SLC37A1: variants seen among roughly 807,000 people sequenced by gnomAD.
SLC37A1 encodes the protein solute carrier family 37 member 1, also known as glucose-6-phosphate exchanger SLC37A1.
In SLC37A1, 49 loss-of-function variants were observed where a neutral mutation model predicts 75.3. The observed-to-expected ratio is 0.65, with a 90% CI of 0.52 to 0.83. The LOEUF is 0.83. Among genes scored for constraint, SLC37A1 ranks in the 40% least tolerant of loss-of-function variants. The pLI is 0.00. For missense variants in SLC37A1, 566 were observed against 695.0 expected (o/e 0.81, Z 2.09); for synonymous variants, 268 against 292.1 (o/e 0.92, Z 0.84).
chr21:42,530,655 C>CACACACACACA (rs1491531929), intron 3 of SLC37A1, among the ~76,000 whole-genome samples: 43 of 25,808 alleles, frequency 1.7e-3, no homozygotes, highest in Non-Finnish European at 2.5e-3. Flanking sequence ...CACACACACA[C>CACACACACACA]CCCCTCTGTG....
intron 3 of SLC37A1, chr21:42,526,069 C>T (rs1601678375): frequency 4.1e-6 from 2 of 490,222 alleles, no homozygotes; most frequent in East Asian, 3.3e-5. Context: ...AGGTAGTAGA[C>T]TTTTAGTTTT....
At chr21:42,576,367 T>G (rs2056308263) in intron 18 of SLC37A1, among the ~76,000 whole-genome samples, 1 of 151,608 alleles carries the variant, frequency 6.6e-6, no homozygotes, top group African/African-American at 2.4e-5. Flanking sequence ...ATCTTTGAGC[T>G]TATATAAATA....
chr21:42,577,675 A>G (rs2056337373), intron 18 of SLC37A1, among the ~76,000 whole-genome samples: 1 of 152,222 alleles, frequency 6.6e-6, no homozygotes, highest in Admixed American at 6.5e-5. Context: ...ATACAGAAAT[A>G]CAGAGCAACA....
At chr21:42,513,534 G>A (rs910039521), upstream of SLC37A1, among the ~76,000 whole-genome samples, 124 of 152,010 alleles carry the variant, frequency 8.2e-4, 1 homozygote, top group African/African-American at 2.8e-3. Flanking sequence ...TGAGGACAGA[G>A]CGCCAGGGGT....
intron 11 of SLC37A1, among the ~76,000 whole-genome samples, chr21:42,560,929 G>A (rs117457217): frequency 2.6e-5 from 4 of 152,146 alleles, no homozygotes; most frequent in Admixed American, 2.0e-4. Context: ...CCCTGCCACC[G>A]CCAGGCTGAG....
rs116441914 is a variant in SLC37A1, at chr21:42,516,979, C to T, written c.-178-1298C>T. Among the ~76,000 whole-genome samples the T allele has an allele frequency of 2.0e-3, 303 of 152,254 alleles. 1 individual carries two copies. The highest frequency in any genetic ancestry group is 6.8e-3 in the African/African-American group (281 of 41,552). On this transcript the variant is annotated intron_variant, in intron 1 of 19. Coordinates refer to ENST00000352133, the MANE Select transcript of SLC37A1 (RefSeq NM_001320537.2). ...GCTTAAATCTAGAGGTTTGAGCAGA[C>T]GTGGTTTTGAAGTATTTGTGGCTGT...
At chr21:42,519,865 A>G (rs1046643658) in intron 2 of SLC37A1, among the ~76,000 whole-genome samples, 1 of 152,150 alleles carries the variant, frequency 6.6e-6, no homozygotes, top group South Asian at 2.1e-4. Flanking sequence ...AACTCACGTA[A>G]CTTACTAACA....
chr21:42,554,069 A>G lies in SLC37A1; in HGVS notation c.776A>G (p.Lys259Arg). The G allele has an allele frequency of 6.2e-7, 1 of 1,608,906 alleles. No individual in the cohort carries two copies. Among genetic ancestry groups the G allele is most frequent in the Non-Finnish European group, 8.5e-7 (1 of 1,177,770 alleles). ...AACTTTTTTTTTTACCAGCACTCAA[A>G]AGGCTATGAGAATGGTACAAACAGA... ...RCSSTLVTHS[K>R]GYENGTNRLR... is the part of the protein sequence containing the mutation. Residue 259 changes from lysine (K) to arginine (R), a missense_variant, in exon 10 of 20, where the codon AAA (lysine) becomes AGA (arginine). By Grantham distance (26) the Lys-to-Arg change is conservative. Coordinates refer to ENST00000352133, the MANE Select transcript of SLC37A1 (RefSeq NM_001320537.2).
intron 18 of SLC37A1, among the ~76,000 whole-genome samples, chr21:42,577,066 A>C (rs1484482395): frequency 6.6e-6 from 1 of 152,262 alleles, no homozygotes; most frequent in East Asian, 1.9e-4. Flanking sequence ...AGAATTCTGT[A>C]CCTAGATAAA....
chr21:42,551,802 T>A (rs1321666011), intron 9 of SLC37A1, among the ~76,000 whole-genome samples: 2 of 147,500 alleles, frequency 1.4e-5, no homozygotes, highest in African/African-American at 2.7e-5. Flanking sequence ...CTCAATGGTT[T>A]TTTTTGTTTT....
At chr21:42,560,628 G>A (rs1246792465) in intron 11 of SLC37A1, among the ~76,000 whole-genome samples, 1 of 152,240 alleles carries the variant, frequency 6.6e-6, no homozygotes, top group Non-Finnish European at 1.5e-5. Context: ...GTCTGCAGAG[G>A]TGGACCCTGG....
intron 11 of SLC37A1, among the ~76,000 whole-genome samples, chr21:42,560,615 TG>T (rs1187004009): frequency 1.3e-5 from 2 of 152,102 alleles, no homozygotes; most frequent in East Asian, 3.8e-4. Context: ...CAGGAGAAAC[TG>T]GGTCTGCAGA....
intron 10 of SLC37A1, among the ~76,000 whole-genome samples, chr21:42,558,685 A>G (rs1221735913): frequency 6.6e-6 from 1 of 152,134 alleles, no homozygotes; most frequent in Non-Finnish European, 1.5e-5. Context: ...ATTTTACTTT[A>G]TAAGTATCTT....
chr21:42,531,065 G>A (rs535483634), intron 3 of SLC37A1, among the ~76,000 whole-genome samples: 4 of 152,334 alleles, frequency 2.6e-5, no homozygotes, highest in African/African-American at 9.6e-5. Flanking sequence ...CACCGCAGCT[G>A]CCTGCTGCTC....
chr21:42,499,691 C>G (rs969385005), exon 1 of SLC37A1: 5 of 152,228 alleles, frequency 3.3e-5, no homozygotes, highest in African/African-American at 9.6e-5. Context: ...GGAAGGCCCT[C>G]GAGAGAGTGG....
chr21:42,520,681 G>A (rs575220825), intron 2 of SLC37A1, among the ~76,000 whole-genome samples: 4 of 152,028 alleles, frequency 2.6e-5, no homozygotes, highest in Admixed American at 1.3e-4. Flanking sequence ...AATGCACCCC[G>A]CTAGGAGGTC....
intron 10 of SLC37A1, among the ~76,000 whole-genome samples, chr21:42,557,457 C>T (rs910179796): frequency 1.3e-5 from 2 of 152,394 alleles, no homozygotes; most frequent in South Asian, 2.1e-4. Flanking sequence ...TTTGCTTTCA[C>T]GTGCCGTGAT....
At chr21:42,554,037 C>G (rs1295748007) in intron 9 of SLC37A1, 25 bp from the exon 10 acceptor site, 4 of 1,590,070 alleles carry the variant, frequency 2.5e-6, no homozygotes, top group Admixed American at 1.7e-5. Context: ...CAGTATCGCT[C>G]TAATGAAACT....
chr21:42,548,843 C>A lies in SLC37A1; in HGVS notation c.768+1703C>A, dbSNP rs2055488226. On this transcript the variant is annotated intron_variant, in intron 9 of 19. Transcript: ENST00000352133. This position sits in a 1 kb window ranked among gnomAD's most constrained non-coding sequence, Gnocchi z 5.6. ...CCTGGATCATCACTGGGTCCCGGCA[C>A]CTGGGGCAGCACCTGGCCTCGTGCG... Among the ~76,000 whole-genome samples, 1 of 152,184 alleles carries A rather than the reference C, an allele frequency of 6.6e-6. No homozygotes were observed. Among genetic ancestry groups the A allele is most frequent in the South Asian group, 2.1e-4 (1 of 4,832 alleles).
Sources: allele counts gnomAD v4.1 joint callset (sites outside exome capture counted in the v4.1 genomes callset), GRCh38; gene constraint gnomAD v4.1.1; non-coding constraint Gnocchi (gnomAD v3.1); transcripts MANE v1.5; gene names NCBI Gene and HGNC (gene_info 2026-07-23, HGNC 2026-07-21).